The following CTTNBP2NL variants were observed in gnomAD, a reference collection of about 807,000 sequenced individuals.
The protein encoded by CTTNBP2NL is CTTNBP2 N-terminal like.
Under a neutral mutation model 32.5 loss-of-function variants are expected in CTTNBP2NL, and 16 were observed. The observed-to-expected ratio is 0.49, with a 90% CI of 0.33 to 0.75. The LOEUF is 0.75. CTTNBP2NL is among the 30% of genes least tolerant of loss of function. CTTNBP2NL has a pLI of 0.02. For missense variants in CTTNBP2NL, 645 were observed against 756.0 expected, an observed-to-expected ratio of 0.85 and a Z score of 1.72; for synonymous variants, 298 against 289.4, an observed-to-expected ratio of 1.03 and a Z score of -0.30.
chr1:112,421,773 C>T (rs770692561), intron 3 of CTTNBP2NL, among the ~76,000 whole-genome samples: 1 of 152,164 alleles, frequency 6.6e-6, no homozygotes, highest in East Asian at 1.9e-4. Context: ...CCCATCCACA[C>T]ACCCAAAAGC....
At chr1:112,438,924 C>T (rs1048398102) in intron 3 of CTTNBP2NL, among the ~76,000 whole-genome samples, 18 of 152,178 alleles carry the variant, frequency 1.2e-4, no homozygotes, top group Admixed American at 7.2e-4. Context: ...ACTCTCTCCC[C>T]ATTTTGTTCT....
intron 4 of CTTNBP2NL, among the ~76,000 whole-genome samples, chr1:112,451,665 G>A (rs1394928383): frequency 6.6e-6 from 1 of 150,794 alleles, no homozygotes; most frequent in African/African-American, 2.4e-5. Flanking sequence ...AGCTACTCGG[G>A]AGGCTGAGGC....
At chr1:112,413,842 G>A (rs755245443) in intron 2 of CTTNBP2NL, among the ~76,000 whole-genome samples, 53 of 152,214 alleles carry the variant, frequency 3.5e-4, no homozygotes, top group Non-Finnish European at 7.1e-4. Context: ...GAGGTCAGGA[G>A]TTGGAGACCA....
At chr1:112,423,049 T>C (rs982846709) in intron 3 of CTTNBP2NL, among the ~76,000 whole-genome samples, 3 of 152,188 alleles carry the variant, frequency 2.0e-5, no homozygotes, top group African/African-American at 7.2e-5. Context: ...CCGCCTTGGC[T>C]TCCCAAAGTG....
At chr1:112,451,590 G>A (rs147699474) in intron 4 of CTTNBP2NL, among the ~76,000 whole-genome samples, 1 of 151,382 alleles carries the variant, frequency 6.6e-6, no homozygotes, top group African/African-American at 2.4e-5. Flanking sequence ...CAGCCAACAT[G>A]GTGAAACCCC....
In CTTNBP2NL at chr1:112,460,598, G is replaced by A. The variant is rs929120574; in HGVS notation, c.*3186G>A. ...ATCCAAAGACCCTGAAGCCATCCAT[G>A]GCTCATGTATTTCTGCTTAAGAAAG... On this transcript the variant is annotated 3_prime_UTR_variant, in exon 6 of 6. Transcript: ENST00000271277. 5 of 152,116 alleles carry A rather than the reference G, an allele frequency of 3.3e-5. No homozygotes were observed. The highest frequency in any genetic ancestry group is 4.8e-5 in the African/African-American group (2 of 41,406). 9.4% of individuals were successfully genotyped at this position (152,116 alleles called of 1,614,324 possible).
intron 3 of CTTNBP2NL, among the ~76,000 whole-genome samples, chr1:112,447,591 A>G (rs1650088235): frequency 6.6e-6 from 1 of 152,152 alleles, no homozygotes; most frequent in African/African-American, 2.4e-5. Context: ...TGGGGCCTAA[A>G]TTGGACAGTC....
intron 3 of CTTNBP2NL, among the ~76,000 whole-genome samples, chr1:112,421,395 G>A (rs1255273760): frequency 4.0e-5 from 6 of 148,710 alleles, no homozygotes; most frequent in Non-Finnish European, 5.9e-5. Context: ...CTGCCTCCTG[G>A]GTTCAAGCGA....
chr1:112,447,026 G>A (rs1406050982), intron 3 of CTTNBP2NL, among the ~76,000 whole-genome samples: 1 of 152,092 alleles, frequency 6.6e-6, no homozygotes, highest in Non-Finnish European at 1.5e-5. Flanking sequence ...TGTAATCCCA[G>A]CACTTTGGGA....
At chr1:112,426,605 C>G (rs897786153) in intron 3 of CTTNBP2NL, among the ~76,000 whole-genome samples, 10 of 129,600 alleles carry the variant, frequency 7.7e-5, no homozygotes, top group Non-Finnish European at 3.3e-5. Flanking sequence ...TACGGCAAAA[C>G]TTTTTTTTTT....
intron 3 of CTTNBP2NL, among the ~76,000 whole-genome samples, chr1:112,447,603 A>G (rs1650088368): frequency 1.3e-5 from 2 of 152,188 alleles, no homozygotes; most frequent in South Asian, 2.1e-4. Flanking sequence ...TGGACAGTCA[A>G]TGAAGAAGAA....
chr1:112,434,267 C>A (rs1280384494), intron 3 of CTTNBP2NL, among the ~76,000 whole-genome samples: 1 of 152,108 alleles, frequency 6.6e-6, no homozygotes, highest in Non-Finnish European at 1.5e-5. Flanking sequence ...GACTTGTGCA[C>A]CTAAATATCC....
At position 112,457,468 on chromosome 1, in the gene CTTNBP2NL, A is replaced by C; in HGVS notation, c.*56A>C. 1.7e-5 allele frequency: 24 copies of C among 1,439,100 alleles called. No individual in the cohort carries two copies. The highest frequency in any genetic ancestry group is 2.0e-5 in the Non-Finnish European group (21 of 1,051,772). The allele number at this position is 1,439,100 out of a possible 1,614,324, so 89.1% of individuals were successfully genotyped here. ...TCCATCAGATTTCGTCCAAAAGCTCAGTCAGACTTCTGAGTCAGATTATGT... is the reference window on the plus strand; with the variant it reads ...TCCATCAGATTTCGTCCAAAAGCTCCGTCAGACTTCTGAGTCAGATTATGT... On this transcript the variant is annotated 3_prime_UTR_variant, in exon 6 of 6. Coordinates refer to ENST00000271277, the MANE Select transcript of CTTNBP2NL (RefSeq NM_018704.3).
At chr1:112,416,372 G>A in intron 3 of CTTNBP2NL, 108 bp downstream of exon 3, 1 of 641,656 alleles carries the variant, frequency 1.6e-6, no homozygotes, top group Non-Finnish European at 2.6e-6. Flanking sequence ...GAAATTAAAT[G>A]GAGGACATAC....
rs57399198 is a variant in CTTNBP2NL, at chr1:112,400,025, C to T, written c.-134+3753C>T. 3.1e-3 allele frequency among the ~76,000 whole-genome samples: 477 copies of T among 152,070 alleles called. 1 individual carries two copies. The highest frequency in any genetic ancestry group is 0.011 in the African/African-American group (456 of 41,488). On this transcript the variant is annotated intron_variant, in intron 1 of 5. Transcript: ENST00000271277. Reference sequence around the variant, plus strand: ...CGGAGGTTGCAGTGAGCCGAGATCACGCCATTGCACTCCAGCCTGGGCAAG... The same window carrying T: ...CGGAGGTTGCAGTGAGCCGAGATCATGCCATTGCACTCCAGCCTGGGCAAG...
chr1:112,416,396 A>G, intron 3 of CTTNBP2NL, 132 bp downstream of exon 3: 1 of 577,186 alleles, frequency 1.7e-6, no homozygotes, highest in Non-Finnish European at 3.0e-6. Flanking sequence ...TACTTGCCAT[A>G]GGTAGCCACC....
intron 3 of CTTNBP2NL, among the ~76,000 whole-genome samples, chr1:112,446,768 T>C (rs1479701653): frequency 6.6e-6 from 1 of 152,142 alleles, no homozygotes; most frequent in Non-Finnish European, 1.5e-5. Flanking sequence ...CAGTTTGGTC[T>C]TAAACTCCTG....
intron 1 of CTTNBP2NL, among the ~76,000 whole-genome samples, chr1:112,408,952 C>T (rs531271883): frequency 2.6e-4 from 39 of 151,976 alleles, no homozygotes; most frequent in Middle Eastern, 3.4e-3. Flanking sequence ...CATGGTGAGA[C>T]CCCCGTCTCT....
chr1:112,415,589 C>T (rs926232355), intron 2 of CTTNBP2NL, among the ~76,000 whole-genome samples: 7 of 30,312 alleles, frequency 2.3e-4, no homozygotes, highest in Non-Finnish European at 5.8e-4. Context: ...CAGAGTCTCA[C>T]TCTGTCGCCC....
Sources: allele counts gnomAD v4.1 joint callset (sites outside exome capture counted in the v4.1 genomes callset), GRCh38; gene constraint gnomAD v4.1.1; transcripts MANE v1.5; gene names NCBI Gene and HGNC (gene_info 2026-07-23, HGNC 2026-07-21).